The following HADH variants were observed in gnomAD, a reference collection of about 807,000 sequenced individuals.
HADH encodes hydroxyacyl-CoA dehydrogenase.
HADH carries 24 observed loss-of-function variants against 32.2 expected under a neutral mutation model. That is an observed-to-expected ratio of 0.75 (90% CI 0.54 to 1.05). The LOEUF (loss-of-function observed/expected upper bound fraction) is 1.05, where lower values mean the gene tolerates loss of function less well. Among genes scored for constraint, HADH ranks in the 50% least tolerant of loss-of-function variants. The pLI, the probability that HADH is intolerant of heterozygous loss-of-function variation, is 0.00. For synonymous variants in HADH, 139 were observed against 152.5 expected, an observed-to-expected ratio of 0.91 and a Z score of 0.65; for missense variants, 350 against 397.1, an observed-to-expected ratio of 0.88 and a Z score of 1.01.
At chr4:108,031,123 G>A (rs1490745214) in intron 6 of HADH, 1 of 152,198 alleles carries the variant, frequency 6.6e-6, no homozygotes. Flanking sequence ...TCTGTCCCAG[G>A]GAGACTGCCA....
rs529485977 is a variant in HADH at position 108,032,027 on chromosome 4, A to G, written c.710-1149A>G. 9 of 279,342 alleles carry G rather than the reference A, an allele frequency of 3.2e-5. No individual in the cohort carries two copies. The Admixed American group carries it at 4.4e-4, about 14-fold the overall frequency. The allele number at this position is 279,342 out of a possible 1,614,324, so 17.3% of individuals were successfully genotyped here. A position where few individuals can be genotyped will look rare whatever the true frequency, so the allele number is the denominator to read the frequency against. On this transcript the variant is annotated intron_variant, in intron 6 of 7. Transcript: ENST00000309522. ...TTTAGTCACCTTAAAATGCCTTGAA[A>G]TCCTTTGGAATTACTTTAGTAATTT...
intron 1 of HADH, among the ~76,000 whole-genome samples, chr4:108,006,267 A>G (rs186042055): frequency 1.3e-5 from 2 of 152,236 alleles, no homozygotes; most frequent in African/African-American, 2.4e-5. Context: ...TTGGAACTCA[A>G]TTGGTTTAGA....
chr4:108,013,388 A>G (rs149211980), intron 2 of HADH, among the ~76,000 whole-genome samples: 19 of 152,250 alleles, frequency 1.2e-4, no homozygotes, highest in African/African-American at 4.3e-4. Context: ...GCTTGTTTAC[A>G]GACTTTCAGC....
intron 3 of HADH, 130 bp downstream of exon 3, chr4:108,014,718 G>A: frequency 1.3e-6 from 1 of 778,640 alleles, no homozygotes; most frequent in Admixed American, 2.3e-5. Context: ...TTGTGTAGTG[G>A]TGAAGTCTGG....
intron 1 of HADH, among the ~76,000 whole-genome samples, 193 bp downstream of exon 1, chr4:107,990,257 A>G (rs1734739233): frequency 1.3e-5 from 2 of 152,056 alleles, no homozygotes; most frequent in African/African-American, 4.8e-5. Flanking sequence ...CTCAAAATTC[A>G]GGGTTCTGGG....
intron 1 of HADH, among the ~76,000 whole-genome samples, chr4:108,008,820 A>G (rs1449273144): frequency 6.6e-5 from 10 of 152,142 alleles, no homozygotes; most frequent in Admixed American, 6.5e-4. Context: ...TCTGGCCTGA[A>G]CTAATTCACT....
At chr4:108,020,084 A>G (rs1330050708) in intron 4 of HADH, among the ~76,000 whole-genome samples, 5 of 152,194 alleles carry the variant, frequency 3.3e-5, no homozygotes, top group African/African-American at 7.2e-5. Context: ...GCTTGTCCAC[A>G]GTTCCTGGGG....
At chr4:108,008,120 G>C (rs994700539) in intron 1 of HADH, among the ~76,000 whole-genome samples, 1 of 152,190 alleles carries the variant, frequency 6.6e-6, no homozygotes, top group Admixed American at 6.5e-5. Flanking sequence ...TTGCCACTTA[G>C]GGGAAAACCT....
intron 4 of HADH, among the ~76,000 whole-genome samples, chr4:108,022,962 G>A (rs1412509968): frequency 1.3e-5 from 2 of 150,978 alleles, no homozygotes; most frequent in Admixed American, 6.6e-5. Flanking sequence ...ATTTTAAGCC[G>A]TGATTTTGTA....
intron 2 of HADH, among the ~76,000 whole-genome samples, chr4:108,013,074 A>G (rs1180818026): frequency 1.3e-5 from 2 of 152,200 alleles, no homozygotes; most frequent in East Asian, 1.9e-4. Context: ...CTGGGACTGC[A>G]GGCGCCCGCT....
intron 1 of HADH, among the ~76,000 whole-genome samples, chr4:107,994,577 GTACA>G (rs1734901583): frequency 6.6e-6 from 1 of 152,206 alleles, no homozygotes; most frequent in South Asian, 2.1e-4. Context: ...TTGCAAAGCA[GTACA>G]GATGCCTAGG....
chr4:108,027,933 T>C, intron 6 of HADH, 173 bp downstream of exon 6: 1 of 648,246 alleles, frequency 1.5e-6, no homozygotes, highest in South Asian at 1.7e-5. Context: ...TTCACTGTTT[T>C]CCCAGGGCCT....
intron 7 of HADH, 76 bp downstream of exon 7, chr4:108,033,368 A>G (rs1736346447): frequency 1.2e-6 from 1 of 837,890 alleles, no homozygotes; most frequent in South Asian, 1.3e-5. Flanking sequence ...CTTTTTAAAA[A>G]AAGTTAGCAG....
intron 4 of HADH, among the ~76,000 whole-genome samples, chr4:108,021,634 C>T (rs1166596927): frequency 6.6e-6 from 1 of 152,190 alleles, no homozygotes; most frequent in African/African-American, 2.4e-5. Flanking sequence ...TCCATCTCTC[C>T]TGTTTAAAAA....
intron 1 of HADH, among the ~76,000 whole-genome samples, chr4:107,991,172 T>A (rs1734789686): frequency 6.6e-6 from 1 of 151,744 alleles, no homozygotes; most frequent in African/African-American, 2.4e-5. Flanking sequence ...TTTTTAAAAA[T>A]TATTCCATTT....
At chr4:108,029,751 G>T (rs1736195673) in intron 6 of HADH, 2 of 152,412 alleles carry the variant, frequency 1.3e-5, no homozygotes. Flanking sequence ...GGATCTCGTG[G>T]AGGCTCACGC....
intron 3 of HADH, 104 bp from the exon 4 acceptor site, chr4:108,019,436 C>T: frequency 1.0e-6 from 1 of 981,544 alleles, no homozygotes; most frequent in Non-Finnish European, 1.6e-6. Context: ...GTCAGGACAA[C>T]AGATGTGGCA....
intron 1 of HADH, among the ~76,000 whole-genome samples, chr4:107,990,765 T>A (rs1734762709): frequency 6.7e-6 from 1 of 149,886 alleles, no homozygotes; most frequent in African/African-American, 2.5e-5. Context: ...TTTTTTTTTT[T>A]TGAGTCGGAG....
chr4:108,023,802 A>T, intron 5 of HADH: 1 of 508,738 alleles, frequency 2.0e-6, no homozygotes, highest in Admixed American at 3.1e-5. Flanking sequence ...AATGGAGCTC[A>T]GGACACCAGC....
Sources: gnomAD v4.1 joint callset for allele counts (sites outside exome capture counted in the v4.1 genomes callset) on GRCh38, gnomAD v4.1.1 for gene constraint, MANE v1.5 for transcripts, NCBI Gene and HGNC (gene_info 2026-07-23, HGNC 2026-07-21) for gene names.